RORB: variants seen among roughly 807,000 people sequenced by gnomAD.
The protein encoded by RORB is RAR related orphan receptor B, also known as nuclear receptor ROR-beta.
Under a neutral mutation model 59.1 loss-of-function variants are expected in RORB, and 6 were observed. The ratio of observed to expected loss-of-function variants is 0.10; its 90% CI spans 0.06 to 0.20. The LOEUF (loss-of-function observed/expected upper bound fraction) is 0.20, where lower values mean the gene tolerates loss of function less well. Ranked by LOEUF, RORB falls within the 10% of genes least tolerant of loss-of-function variation. The pLI is 1.00. For missense variants in RORB, 320 were observed against 560.5 expected, an observed-to-expected ratio of 0.57 and a Z score of 4.33; for synonymous variants, 215 against 204.5, an observed-to-expected ratio of 1.05 and a Z score of -0.44.
At chr9:74,659,767 T>C (rs1042293118) in intron 4 of RORB, among the ~76,000 whole-genome samples, 1 of 152,256 alleles carries the variant, frequency 6.6e-6, no homozygotes, top group South Asian at 2.1e-4. Flanking sequence ...TCTGGTTCTA[T>C]TGCTCAACTT....
intron 1 of RORB, among the ~76,000 whole-genome samples, chr9:74,535,482 G>T (rs186665270): frequency 6.6e-6 from 1 of 151,990 alleles, no homozygotes; most frequent in East Asian, 1.9e-4. Context: ...CCTCTCCCTA[G>T]TTCTAGTAAA....
chr9:74,591,383 A>G (rs1822890710), intron 1 of RORB, among the ~76,000 whole-genome samples: 1 of 152,204 alleles, frequency 6.6e-6, no homozygotes, highest in Admixed American at 6.5e-5. Flanking sequence ...TGGTCTCCTC[A>G]TTAACTCCCT....
In RORB at chr9:74,678,771, C is replaced by T. The variant is rs144565367; in HGVS notation, c.1225-6692C>T. Among the ~76,000 whole-genome samples, 675 of 152,226 alleles carry T rather than the reference C, an allele frequency of 4.4e-3. 4 individuals are homozygous for T. Among genetic ancestry groups the T allele is most frequent in the African/African-American group, 0.015 (605 of 41,540 alleles). On this transcript the variant is annotated intron_variant, in intron 9 of 9. Coordinates refer to ENST00000376896, the MANE Select transcript of RORB (RefSeq NM_006914.4). ...ATGGGATGGGCCAGGCGCTATGGCT[C>T]ATGCCTGTAATCCCAGCATTTGGGA...
chr9:74,649,746 CTCAAT>C (rs1188042377), intron 4 of RORB, among the ~76,000 whole-genome samples: 1 of 152,156 alleles, frequency 6.6e-6, no homozygotes, highest in Non-Finnish European at 1.5e-5. Flanking sequence ...CACATATATG[CTCAAT>C]TCAAGTACTC....
At chr9:74,549,615 AGG>A (rs1490482244) in intron 1 of RORB, among the ~76,000 whole-genome samples, 7 of 112,084 alleles carry the variant, frequency 6.2e-5, no homozygotes, top group East Asian at 4.5e-4. Flanking sequence ...GAAGAAAGGA[AGG>A]AAGGAAGGAA....
intron 1 of RORB, among the ~76,000 whole-genome samples, chr9:74,628,656 AT>A (rs1823561893): frequency 6.6e-6 from 1 of 152,214 alleles, no homozygotes; most frequent in Non-Finnish European, 1.5e-5. Context: ...AATGTCTTGC[AT>A]TTATTTGTTT....
intron 3 of RORB, among the ~76,000 whole-genome samples, chr9:74,638,656 T>C (rs1005693524): frequency 6.6e-6 from 1 of 152,206 alleles, no homozygotes; most frequent in Admixed American, 6.5e-5. Context: ...GTTAAAATAG[T>C]TCTATGCATA....
chr9:74,645,061 T>TTA (rs1207280286), intron 4 of RORB, among the ~76,000 whole-genome samples: 1 of 152,186 alleles, frequency 6.6e-6, no homozygotes, highest in Non-Finnish European at 1.5e-5. Context: ...CCTCTAGTCT[T>TTA]TAGATATCTT....
At chr9:74,565,729 T>C (rs1226645393) in intron 1 of RORB, among the ~76,000 whole-genome samples, 1 of 152,156 alleles carries the variant, frequency 6.6e-6, no homozygotes, top group Non-Finnish European at 1.5e-5. Flanking sequence ...TTTAAGCTTT[T>C]CTGCTTGTGT....
chr9:74,631,051 G>A (rs571980773), intron 2 of RORB, among the ~76,000 whole-genome samples: 1 of 152,286 alleles, frequency 6.6e-6, no homozygotes, highest in African/African-American at 2.4e-5. Context: ...TCTCAATCCA[G>A]TGTTCCACTT....
intron 1 of RORB, among the ~76,000 whole-genome samples, chr9:74,515,286 G>C (rs1223971862): frequency 6.6e-6 from 1 of 151,634 alleles, no homozygotes; most frequent in African/African-American, 2.4e-5. Context: ...TAGAAGAAGA[G>C]GCTAAGGTAC....
chr9:74,598,855 GAGCTTTAATGATGTATCATAAC>G (rs1823012088), intron 1 of RORB, among the ~76,000 whole-genome samples: 1 of 152,154 alleles, frequency 6.6e-6, no homozygotes, highest in South Asian at 2.1e-4. Flanking sequence ...CTTCTGATGA[GAGCTTTAATGATGTATCATAAC>G]AGCAGAGAAG....
At chr9:74,682,398 C>T (rs1393027244) in intron 9 of RORB, among the ~76,000 whole-genome samples, 1 of 151,170 alleles carries the variant, frequency 6.6e-6, no homozygotes, top group Non-Finnish European at 1.5e-5. Flanking sequence ...CTAACCTGCA[C>T]GTTGTGCACA....
At chr9:74,629,084 G>A (rs754206422) in intron 1 of RORB, among the ~76,000 whole-genome samples, 2 of 151,982 alleles carry the variant, frequency 1.3e-5, no homozygotes, top group Non-Finnish European at 2.9e-5. Context: ...TTGACTCTTC[G>A]TTTCCATGTC....
chr9:74,547,145 A>T (rs898671826), intron 1 of RORB, among the ~76,000 whole-genome samples: 27 of 152,082 alleles, frequency 1.8e-4, no homozygotes, highest in African/African-American at 6.0e-4. Flanking sequence ...CAGAGGAGAG[A>T]CCCAAGTATG....
intron 1 of RORB, among the ~76,000 whole-genome samples, chr9:74,528,089 C>G (rs1331566175): frequency 1.3e-5 from 2 of 151,960 alleles, no homozygotes; most frequent in African/African-American, 4.8e-5. Context: ...AAATCTGTCA[C>G]TTTCTTTTCC....
At chr9:74,542,269 T>C (rs1464610027) in intron 1 of RORB, among the ~76,000 whole-genome samples, 4 of 152,198 alleles carry the variant, frequency 2.6e-5, no homozygotes, top group Admixed American at 2.0e-4. Context: ...TTAGTATGCT[T>C]CCTGTGATTC....
Position 74,685,448 on chromosome 9 carries a change from C to T in RORB, c.1225-15C>T, listed in dbSNP as rs1250537587. 6.3e-7 allele frequency: 1 copy of T among 1,596,634 alleles called. No homozygotes were observed. Among genetic ancestry groups the T allele is most frequent in the South Asian group, 1.1e-5 (1 of 88,698 alleles). Reference sequence around the variant, plus strand: ...CTTCCCTCTCTATCTCCCTCTCTGTCTCTCCGTTCTGCAGTTAATAGCCAA... The same window carrying T: ...CTTCCCTCTCTATCTCCCTCTCTGTTTCTCCGTTCTGCAGTTAATAGCCAA... On this transcript the variant is annotated splice_polypyrimidine_tract_variant and intron_variant, in intron 9 of 9. Transcript: ENST00000376896.
rs534935378 is a variant in RORB, at chr9:74,554,744, C to T, written c.7+56761C>T. The stretch of plus-strand genomic sequence containing the variant: ...ATACTAGCCTGAAAATTCAGATGAC[C>T]AATGAATATTTGGCAGCGCCAGGCC... On this transcript the variant is annotated intron_variant, in intron 1 of 9. Coordinates refer to ENST00000376896, the MANE Select transcript of RORB (RefSeq NM_006914.4). 2.6e-5 allele frequency among the ~76,000 whole-genome samples: 4 copies of T among 152,238 alleles called. No homozygotes were observed. The East Asian group carries it at 7.7e-4, about 29-fold the overall frequency.
Sources: allele counts gnomAD v4.1 joint callset (sites outside exome capture counted in the v4.1 genomes callset), GRCh38; gene constraint gnomAD v4.1.1; transcripts MANE v1.5; gene names NCBI Gene and HGNC (gene_info 2026-07-23, HGNC 2026-07-21).